The following TRIP12 variants were observed in gnomAD, a reference collection of about 807,000 sequenced individuals.
TRIP12 encodes the protein E3 ubiquitin-protein ligase TRIP12.
TRIP12 carries 25 observed loss-of-function variants against 244.2 expected under a neutral mutation model. The ratio of observed to expected loss-of-function variants is 0.10; its 90% CI spans 0.07 to 0.14. The LOEUF (loss-of-function observed/expected upper bound fraction) is 0.14, where lower values mean the gene tolerates loss of function less well. TRIP12 is among the 10% of genes least tolerant of loss of function. The probability of loss-of-function intolerance (pLI) is 1.00; values close to 1 mark genes in which losing one functional copy is unlikely to be tolerated. For missense variants in TRIP12, 1,677 were observed against 2,486.4 expected, an observed-to-expected ratio of 0.67 and a Z score of 6.92; for synonymous variants, 905 against 873.1, an observed-to-expected ratio of 1.04 and a Z score of -0.64.
At chr2:229,908,237 G>T (rs1478873644) in intron 1 of TRIP12, among the ~76,000 whole-genome samples, 1 of 152,094 alleles carries the variant, frequency 6.6e-6, no homozygotes, top group Non-Finnish European at 1.5e-5. Context: ...CCAGTGGACT[G>T]ACCTAGATCA....
intron 1 of TRIP12, among the ~76,000 whole-genome samples, chr2:229,913,317 A>G (rs940980694): frequency 6.6e-6 from 1 of 152,240 alleles, no homozygotes; most frequent in Non-Finnish European, 1.5e-5. Context: ...ATACTCCTAT[A>G]TACAGTTTTA....
At chr2:229,852,476 C>T (rs1369587570) in intron 4 of TRIP12, among the ~76,000 whole-genome samples, 2 of 151,734 alleles carry the variant, frequency 1.3e-5, no homozygotes, top group Non-Finnish European at 2.9e-5. Context: ...TTTTTGAAGC[C>T]ATCTATATCA....
intron 4 of TRIP12, among the ~76,000 whole-genome samples, chr2:229,845,346 A>G (rs374911696): frequency 2.6e-5 from 4 of 152,214 alleles, no homozygotes; most frequent in African/African-American, 9.6e-5. Flanking sequence ...GGTGTTGACA[A>G]ACGGCAGCCT....
intron 38 of TRIP12, among the ~76,000 whole-genome samples, chr2:229,772,627 C>T (rs923926248): frequency 2.0e-5 from 3 of 152,122 alleles, no homozygotes; most frequent in Admixed American, 2.0e-4. Context: ...CCACGCCTGG[C>T]TAATTTTTGT....
intron 16 of TRIP12, 88 bp from the exon 17 acceptor site, chr2:229,807,952 C>A: frequency 7.1e-7 from 1 of 1,401,850 alleles, no homozygotes; most frequent in Non-Finnish European, 9.5e-7. Context: ...TCACACAAAC[C>A]AAAAGTTGTA....
chr2:229,814,805 A>G (rs1281310142), intron 11 of TRIP12, among the ~76,000 whole-genome samples: 2 of 152,230 alleles, frequency 1.3e-5, no homozygotes, highest in Non-Finnish European at 1.5e-5. Flanking sequence ...GGGTATAAAT[A>G]GCTATCAACC....
At chr2:229,833,316 T>C (rs373072062) in intron 6 of TRIP12, among the ~76,000 whole-genome samples, 1 of 152,186 alleles carries the variant, frequency 6.6e-6, no homozygotes, top group Non-Finnish European at 1.5e-5. Context: ...AGACAGGGTC[T>C]TGCTCTCTTG....
chr2:229,876,262 G>A (rs2063557007), intron 2 of TRIP12, among the ~76,000 whole-genome samples: 1 of 152,082 alleles, frequency 6.6e-6, no homozygotes, highest in Admixed American at 6.6e-5. Flanking sequence ...TGTGACAAGA[G>A]CAAAACTCCA....
intron 37 of TRIP12, among the ~76,000 whole-genome samples, chr2:229,775,219 T>C (rs2035835409): frequency 6.6e-6 from 1 of 152,130 alleles, no homozygotes. Context: ...ATTCAGAATA[T>C]CAATGAGGTG....
Position 229,837,135 on chromosome 2 carries a change from A to G in TRIP12, c.1134-151T>C, listed in dbSNP as rs899138885. 3 of 767,296 alleles carry G rather than the reference A, an allele frequency of 3.9e-6. No individual in the cohort carries two copies. The African/African-American group carries it at 5.5e-5, about 14-fold the overall frequency. The allele number at this position is 767,296 out of a possible 1,614,324, so 47.5% of individuals were successfully genotyped here. A position where few individuals can be genotyped will look rare whatever the true frequency, so the allele number is the denominator to read the frequency against. ...GTAAGTGCACAAAATCACCATGTAT[A>G]ACAACCAAGACTTTGTATATTTAAA... is the stretch of plus-strand genomic sequence containing the variant. On this transcript the variant is annotated intron_variant, in intron 5 of 41. Coordinates refer to ENST00000675903, the MANE Select transcript of TRIP12 (RefSeq NM_001348323.3).
At position 229,777,381 on chromosome 2, in the gene TRIP12, G is replaced by C; in HGVS notation, c.5463C>G (p.Ala1821=). 6.2e-7 allele frequency: 1 copy of C among 1,613,892 alleles called. No individual in the cohort carries two copies. The highest frequency in any genetic ancestry group is 8.5e-7 in the Non-Finnish European group (1 of 1,179,868). ...HDLFDIDPVV[A]RSVYHLEDIV... Reference sequence around the variant, plus strand: ...TGTCTTCTAGGTGATAAACTGATCTGGCTACAACTGGGTCGATGTCAAACA... The same window carrying C: ...TGTCTTCTAGGTGATAAACTGATCTCGCTACAACTGGGTCGATGTCAAACA... The change falls in exon 37 of 42, where the codon GCC becomes GCG. Residue 1821 remains alanine (A), a synonymous_variant. Transcript: ENST00000675903.
chr2:229,857,476 A>G (rs1408015857), intron 4 of TRIP12, among the ~76,000 whole-genome samples: 3 of 152,066 alleles, frequency 2.0e-5, no homozygotes, highest in Non-Finnish European at 1.5e-5. Context: ...TAAAAATACA[A>G]AAATTAGCTG....
At chr2:229,839,748 A>C (rs1215775655) in intron 5 of TRIP12, among the ~76,000 whole-genome samples, 1 of 152,172 alleles carries the variant, frequency 6.6e-6, no homozygotes, top group Non-Finnish European at 1.5e-5. Flanking sequence ...GCTACTGAAT[A>C]ATTAGCAGCG....
Position 229,793,040 on chromosome 2 carries a change from C to T in TRIP12, c.4074G>A (p.Lys1358=). The change falls in exon 27 of 42, where the codon AAG becomes AAA. Residue 1358 remains lysine (K), a synonymous_variant. Coordinates refer to ENST00000675903, the MANE Select transcript of TRIP12 (RefSeq NM_001348323.3). ...GAGGGTCAATCTTGACAGGTCCACC[C>T]TTCCACTGCTTCACATTTGCACAGT... ...HPDCANVKQW[K]GGPVKIDPLA... The T allele has an allele frequency of 6.2e-7, 1 of 1,613,972 alleles. No homozygotes were observed.
Position 229,777,317 on chromosome 2 carries a change from G to C in TRIP12, c.5527C>G (p.Gln1843Glu). ...TGGACTGTTTCTTCTAAGCCTACCTGGGATTTATCTTGTTCAAGTCTTTTC... is the reference window on the plus strand; with the variant it reads ...TGGACTGTTTCTTCTAAGCCTACCTCGGATTTATCTTGTTCAAGTCTTTTC... ...QKKRLEQDKS[Q>E]TKESLQYALE... Residue 1843 changes from glutamine to glutamate, a missense_variant and splice_region_variant, in exon 37 of 42, where the codon CAG becomes GAG. Around this residue, in one of 11 missense-constraint regions of TRIP12, gnomAD observed 171 missense variants for 388.4 expected, o/e 0.44. Transcript: ENST00000675903. 6.2e-7 allele frequency: 1 copy of C among 1,612,252 alleles called. No homozygotes were observed. The highest frequency in any genetic ancestry group is 8.5e-7 in the Non-Finnish European group (1 of 1,178,760).
In TRIP12 at chr2:229,801,014, A is replaced by G. The variant is rs1464614288; in HGVS notation, c.3206+1238T>C. Among the ~76,000 whole-genome samples the G allele has an allele frequency of 3.3e-5, 5 of 152,244 alleles. No homozygotes were observed. In the South Asian group the frequency reaches 6.2e-4, roughly 19 times the overall value. Reference sequence around the variant, plus strand: ...ACTCTCTGTAATTTACTGAGTATCTATGATGTCTCAGGCACCATGCCTACA... The same window carrying G: ...ACTCTCTGTAATTTACTGAGTATCTGTGATGTCTCAGGCACCATGCCTACA... On this transcript the variant is annotated intron_variant, in intron 21 of 41. Transcript: ENST00000675903.
In TRIP12 at chr2:229,901,810, TAAG is replaced by T. The variant is rs757690668; in HGVS notation, c.-50+20067_-50+20069del. On this transcript the variant is annotated intron_variant, in intron 1 of 41. Coordinates refer to ENST00000675903, the MANE Select transcript of TRIP12 (RefSeq NM_001348323.3). Reference sequence around the variant, plus strand: ...ACTAAGCAGTGGGAAGAGAAGAAGATAAGAAGAAGTAGAGACTACAGACAGAAG... The same window carrying T: ...ACTAAGCAGTGGGAAGAGAAGAAGATAAGAAGTAGAGACTACAGACAGAAG... Among the ~76,000 whole-genome samples, 81 of 152,086 alleles carry T rather than the reference TAAG, an allele frequency of 5.3e-4. 1 individual carries two copies. The highest frequency in any genetic ancestry group is 3.5e-3 in the South Asian group (17 of 4,808).
rs73099276 is a variant in TRIP12, at chr2:229,808,581, G to A, written c.2222-212C>T. ...TTAACAATCTCTTTCTGGAGACTTC[G>A]TTCTTTAGTCCAAACCTAGCTGGGT... On this transcript the variant is annotated intron_variant, in intron 15 of 41. Transcript: ENST00000675903. 0.069 allele frequency among the ~76,000 whole-genome samples: 10,450 copies of A among 151,656 alleles called. 1,207 individuals are homozygous for A. Among genetic ancestry groups the A allele is most frequent in the African/African-American group, 0.24 (9,863 of 41,354 alleles).
intron 4 of TRIP12, among the ~76,000 whole-genome samples, chr2:229,846,392 A>T (rs186123347): frequency 7.9e-5 from 12 of 152,208 alleles, no homozygotes; most frequent in Non-Finnish European, 1.0e-4. Context: ...AAAGATTATG[A>T]CTTGCTAAGG....
Sources: gnomAD v4.1 joint callset for allele counts (sites outside exome capture counted in the v4.1 genomes callset) on GRCh38, gnomAD v4.1.1 for gene constraint, gnomAD v4.1.1 regional missense constraint, MANE v1.5 for transcripts, NCBI Gene and HGNC (gene_info 2026-07-23, HGNC 2026-07-21) for gene names.